MGAT4B: variants seen among roughly 807,000 people sequenced by gnomAD.
MGAT4B encodes the protein N-acetylglucosaminyltransferase IVb.
A neutral mutation model predicts 73.9 loss-of-function variants in MGAT4B; 38 were observed. The observed-to-expected ratio is 0.51, with a 90% CI of 0.40 to 0.67. The LOEUF is 0.67. Ranked by LOEUF, MGAT4B falls within the 30% of genes least tolerant of loss-of-function variation. The pLI is 0.00. For synonymous variants in MGAT4B, 373 were observed against 313.5 expected (o/e 1.19, Z -2.01); for missense variants, 686 against 735.2 (o/e 0.93, Z 0.77).
intron 1 of MGAT4B, 149 bp from the exon 2 acceptor site, chr5:179,802,118 G>T (rs1466866563): frequency 2.2e-5 from 34 of 1,539,998 alleles, no homozygotes; most frequent in Non-Finnish European, 2.7e-5. Flanking sequence ...ACATAGCTGG[G>T]GTCACTCTAA....
rs1035148501 is a variant in MGAT4B at position 179,799,392 on chromosome 5, T to C, written c.1042-82A>G. ...CCTCTCCTGGGGACTACCAGGGCCC[T>C]CCCACAGCTGACAGTGCTCTATGTG... On this transcript the variant is annotated intron_variant, in intron 9 of 14. Coordinates refer to ENST00000292591, the MANE Select transcript of MGAT4B (RefSeq NM_014275.5). 26 of 1,602,840 alleles carry C rather than the reference T, an allele frequency of 1.6e-5. No homozygotes were observed. In the African/African-American group the frequency reaches 2.8e-4, roughly 17 times the overall value.
rs1181357209 is a variant in MGAT4B at position 179,799,647 on chromosome 5, G to A, written c.911-11C>T. The A allele has an allele frequency of 6.2e-7, 1 of 1,613,452 alleles. No individual in the cohort carries two copies. Among genetic ancestry groups the A allele is most frequent in the Non-Finnish European group, 8.5e-7 (1 of 1,179,998 alleles). On this transcript the variant is annotated splice_polypyrimidine_tract_variant and intron_variant, in intron 8 of 14. Transcript: ENST00000292591. ...ACTTGAACATCTTACCTGGTGGGGA[G>A]GGGCCTGAGTGGGCAGTGCTGCTCT... is the stretch of plus-strand genomic sequence containing the variant.
In MGAT4B at chr5:179,798,538, G is replaced by A. The variant is rs141885208; in HGVS notation, c.1397C>T (p.Thr466Met). 5 of 1,613,486 alleles carry A rather than the reference G, an allele frequency of 3.1e-6. No individual in the cohort carries two copies. The highest frequency in any genetic ancestry group is 1.3e-5 in the African/African-American group (1 of 74,942). ...GTCGAAGGGCAGCACCTCCACAGAC[G>A]TGTTGAAGAGCTTGTCCTCCGGGTG... ...IEHPEDKLFN[T>M]SVEVLPFDNP... is the part of the protein sequence containing the mutation. Residue 466 changes from threonine (T) to methionine (M), a missense_variant, in exon 12 of 15, where the codon ACG becomes ATG. Physicochemically the swap from Thr to Met is moderately conservative, Grantham distance 81. Transcript: ENST00000292591.
Position 179,799,942 on chromosome 5 carries a change from G to C in MGAT4B, c.910+12C>G. ...GACTGAAAGGCACCGTCAGGTAAGG[G>C]GAGGGGCACACCAATGAAGCCCAGC... On this transcript the variant is annotated intron_variant, in intron 8 of 14. Coordinates refer to ENST00000292591, the MANE Select transcript of MGAT4B (RefSeq NM_014275.5). 1 of 1,601,726 alleles carries C rather than the reference G, an allele frequency of 6.2e-7. No individual in the cohort carries two copies. Among genetic ancestry groups the C allele is most frequent in the Non-Finnish European group, 8.6e-7 (1 of 1,169,122 alleles).
At chr5:179,804,598 G>C in intron 1 of MGAT4B, among the ~76,000 whole-genome samples, 1 of 152,164 alleles carries the variant, frequency 6.6e-6, no homozygotes, top group African/African-American at 2.4e-5. Context: ...GCTTGACCTT[G>C]CGTTTCCAGG....
Position 179,798,146 on chromosome 5 carries a change from T to C in MGAT4B, c.1623+19A>G, listed in dbSNP as rs764570093. 4 of 1,589,774 alleles carry C rather than the reference T, an allele frequency of 2.5e-6. No individual in the cohort carries two copies. The highest frequency in any genetic ancestry group is 3.4e-6 in the Non-Finnish European group (4 of 1,168,576). On this transcript the variant is annotated intron_variant, in intron 14 of 14. Coordinates refer to ENST00000292591, the MANE Select transcript of MGAT4B (RefSeq NM_014275.5). ...CCCTGGCTGCTCCCCGTGCCTGGCCTGGCCCTGCCCAGCCTCACCTCGCTC... is the reference window on the plus strand; with the variant it reads ...CCCTGGCTGCTCCCCGTGCCTGGCCCGGCCCTGCCCAGCCTCACCTCGCTC...
At chr5:179,798,104 G>T (rs771882220) in intron 14 of MGAT4B, 36 bp from the exon 15 acceptor site, 2 of 1,605,408 alleles carry the variant, frequency 1.2e-6, no homozygotes, top group South Asian at 2.2e-5. Flanking sequence ...CAGGGCCTCT[G>T]AGCTCCGCCA....
In MGAT4B at chr5:179,806,033, C is replaced by T. The variant is rs964022013; in HGVS notation, c.97+454G>A. The stretch of plus-strand genomic sequence containing the variant: ...CCGGATGCTGCCGACGCGTTCTGGG[C>T]GCCGAAGGGAGTCCCAGGACCGGGT... On this transcript the variant is annotated intron_variant, in intron 1 of 14. Transcript: ENST00000292591. This position sits in a 1 kb window ranked among gnomAD's most constrained non-coding sequence, Gnocchi z 4.6. Among the ~76,000 whole-genome samples the T allele has an allele frequency of 3.4e-5, 5 of 148,968 alleles. No homozygotes were observed. In the East Asian group the frequency reaches 1.0e-3, roughly 31 times the overall value.
At chr5:179,798,615 C>T (rs1202182725) in intron 11 of MGAT4B, 24 bp from the exon 12 acceptor site, 3 of 1,612,268 alleles carry the variant, frequency 1.9e-6, no homozygotes, top group Admixed American at 1.7e-5. Flanking sequence ...GGCCTGTGAG[C>T]TGCTGCAGGG....
chr5:179,805,196 A>G (rs1414258234), intron 1 of MGAT4B: 3 of 152,260 alleles, frequency 2.0e-5, no homozygotes, highest in African/African-American at 2.4e-5. Context: ...GGAGGCACAC[A>G]CTGGCTCAGG....
Position 179,801,542 on chromosome 5 carries a change from C to T in MGAT4B, c.424+12G>A. 1.9e-6 allele frequency: 3 copies of T among 1,607,670 alleles called. No homozygotes were observed. Among genetic ancestry groups the T allele is most frequent in the Non-Finnish European group, 2.5e-6 (3 of 1,176,976 alleles). ...CCCCCCACCCCGTGCTCCTCCCTGT[C>T]TGCGCCCATACCTCCGGTGCGGCCC... On this transcript the variant is annotated intron_variant, in intron 3 of 14. Coordinates refer to ENST00000292591, the MANE Select transcript of MGAT4B (RefSeq NM_014275.5). The surrounding 1 kb of genome is among the most constrained non-coding windows in gnomAD (Gnocchi z 4.8).
chr5:179,800,458 T>C (rs1756865562), intron 6 of MGAT4B, 26 bp downstream of exon 6: 2 of 1,534,064 alleles, frequency 1.3e-6, no homozygotes, highest in Non-Finnish European at 1.8e-6. Context: ...GGCGGGTTGC[T>C]GAGGGTATGG....
At chr5:179,802,076 A>G in intron 1 of MGAT4B, 107 bp from the exon 2 acceptor site, 1 of 1,589,208 alleles carries the variant, frequency 6.3e-7, no homozygotes, top group Non-Finnish European at 8.6e-7. Flanking sequence ...GCAATAGCTC[A>G]TTGACATCTG....
In MGAT4B at chr5:179,801,715, C is replaced by T. The variant is rs775514458; in HGVS notation, c.284-21G>A. ...GTCCTCTGGGTGGGTCGGGAAGGATCGGGACTGAGACCAGGGAACCTACAA... is the reference window on the plus strand; with the variant it reads ...GTCCTCTGGGTGGGTCGGGAAGGATTGGGACTGAGACCAGGGAACCTACAA... On this transcript the variant is annotated intron_variant, in intron 2 of 14. Transcript: ENST00000292591. This position sits in a 1 kb window ranked among gnomAD's most constrained non-coding sequence, Gnocchi z 4.8. 2 of 1,602,956 alleles carry T rather than the reference C, an allele frequency of 1.2e-6. No individual in the cohort carries two copies. Among genetic ancestry groups the T allele is most frequent in the African/African-American group, 1.3e-5 (1 of 74,874 alleles).
Position 179,801,247 on chromosome 5 carries a change from T to C in MGAT4B, c.558+87A>G. 2.0e-6 allele frequency: 3 copies of C among 1,473,358 alleles called. No individual in the cohort carries two copies. Among genetic ancestry groups the C allele is most frequent in the Non-Finnish European group, 2.7e-6 (3 of 1,108,742 alleles). The allele number at this position is 1,473,358 out of a possible 1,614,324, so 91.3% of individuals were successfully genotyped here. On this transcript the variant is annotated intron_variant, in intron 4 of 14. Coordinates refer to ENST00000292591, the MANE Select transcript of MGAT4B (RefSeq NM_014275.5). This position sits in a 1 kb window ranked among gnomAD's most constrained non-coding sequence, Gnocchi z 4.8. ...AACTAGCAACTGAACTTCCGACAGC[T>C]TTCTCCTCGGAATGGTTCCTGCTGT...
In MGAT4B at chr5:179,798,566, C is replaced by T; in HGVS notation, c.1369G>A (p.Glu457Lys). 1.2e-6 allele frequency: 2 copies of T among 1,613,492 alleles called. No homozygotes were observed. The highest frequency in any genetic ancestry group is 2.2e-5 in the South Asian group (2 of 91,078). Residue 457 changes from glutamate to lysine, a missense_variant, in exon 12 of 15, where the codon GAG becomes AAG. Glu to Lys is a moderately conservative substitution (Grantham distance 56). Transcript: ENST00000292591. ...TTGAAGAGCTTGTCCTCCGGGTGCT[C>T]GATGTTCCCACTGCGGAAGAAGAAC... ...ERFFFRSGNI[E>K]HPEDKLFNTS...
Position 179,801,711 on chromosome 5 carries a change from G to A in MGAT4B, c.284-17C>T, listed in dbSNP as rs1756949040. 7 of 1,604,226 alleles carry A rather than the reference G, an allele frequency of 4.4e-6. No individual in the cohort carries two copies. The highest frequency in any genetic ancestry group is 6.0e-6 in the Non-Finnish European group (7 of 1,176,174). On this transcript the variant is annotated splice_polypyrimidine_tract_variant and intron_variant, in intron 2 of 14. Coordinates refer to ENST00000292591, the MANE Select transcript of MGAT4B (RefSeq NM_014275.5). The surrounding 1 kb of genome is among the most constrained non-coding windows in gnomAD (Gnocchi z 4.8). Reference sequence around the variant, plus strand: ...GGGGGTCCTCTGGGTGGGTCGGGAAGGATCGGGACTGAGACCAGGGAACCT... The same window carrying A: ...GGGGGTCCTCTGGGTGGGTCGGGAAAGATCGGGACTGAGACCAGGGAACCT...
Position 179,806,448 on chromosome 5 carries a change from A to G in MGAT4B, c.97+39T>C, listed in dbSNP as rs1272204963. On this transcript the variant is annotated intron_variant, in intron 1 of 14. Coordinates refer to ENST00000292591, the MANE Select transcript of MGAT4B (RefSeq NM_014275.5). The surrounding 1 kb of genome is among the most constrained non-coding windows in gnomAD (Gnocchi z 4.6). ...GGGCCCGCTCCCGCCGCCGACGCCC[A>G]GGTGCGCCAGGTGCGGGCCGGGCGG... is the stretch of plus-strand genomic sequence containing the variant. 4.2e-6 allele frequency: 5 copies of G among 1,184,092 alleles called. No homozygotes were observed. Among genetic ancestry groups the G allele is most frequent in the Non-Finnish European group, 5.4e-6 (5 of 933,278 alleles). 73.3% of individuals were successfully genotyped at this position (1,184,092 alleles called of 1,614,324 possible).
rs770539407 is a variant in MGAT4B at position 179,798,147 on chromosome 5, G to GGCCCT, written c.1623+13_1623+17dup. On this transcript the variant is annotated intron_variant, in intron 14 of 14. Coordinates refer to ENST00000292591, the MANE Select transcript of MGAT4B (RefSeq NM_014275.5). The stretch of plus-strand genomic sequence containing the variant: ...CCTGGCTGCTCCCCGTGCCTGGCCT[G>GGCCCT]GCCCTGCCCAGCCTCACCTCGCTCA... 1.1e-5 allele frequency: 17 copies of GGCCCT among 1,589,724 alleles called. No homozygotes were observed. The highest frequency in any genetic ancestry group is 1.3e-5 in the Non-Finnish European group (15 of 1,168,476).
Sources: gnomAD v4.1 joint callset for allele counts (sites outside exome capture counted in the v4.1 genomes callset) on GRCh38, gnomAD v4.1.1 for gene constraint, Gnocchi (gnomAD v3.1) non-coding constraint, MANE v1.5 for transcripts, NCBI Gene and HGNC (gene_info 2026-07-23, HGNC 2026-07-21) for gene names.